CACNA2D3: variants seen among roughly 807,000 people sequenced by gnomAD.
CACNA2D3 encodes calcium voltage-gated channel auxiliary subunit alpha2delta 3, also known as voltage-dependent calcium channel subunit alpha-2/delta-3.
In CACNA2D3, 60 loss-of-function variants were observed where a neutral mutation model predicts 160.6. The ratio of observed to expected loss-of-function variants is 0.37; its 90% CI spans 0.30 to 0.46. The LOEUF is 0.46. Ranked by LOEUF, CACNA2D3 falls within the 20% of genes least tolerant of loss-of-function variation. The probability of loss-of-function intolerance (pLI) is 1.00; values close to 1 mark genes in which losing one functional copy is unlikely to be tolerated. For synonymous variants in CACNA2D3, 558 were observed against 492.9 expected, an observed-to-expected ratio of 1.13 and a Z score of -1.75; for missense variants, 1,205 against 1,365.0, an observed-to-expected ratio of 0.88 and a Z score of 1.85.
At chr3:54,271,878 A>G (rs1484580982) in intron 2 of CACNA2D3, among the ~76,000 whole-genome samples, 1 of 152,214 alleles carries the variant, frequency 6.6e-6, no homozygotes, top group Non-Finnish European at 1.5e-5. Flanking sequence ...TAAGTAACAA[A>G]TTCACTCCAA....
chr3:54,125,796 T>C (rs971818971), intron 2 of CACNA2D3, among the ~76,000 whole-genome samples: 1 of 152,070 alleles, frequency 6.6e-6, no homozygotes, highest in African/African-American at 2.4e-5. Flanking sequence ...GTGCTCAGAG[T>C]GTAGGAGACA....
In CACNA2D3 at chr3:54,951,912, G is replaced by A. The variant is rs1002894328; in HGVS notation, c.2450-16538G>A. Among the ~76,000 whole-genome samples, 6 of 152,072 alleles carry A rather than the reference G, an allele frequency of 3.9e-5. No homozygotes were observed. The South Asian group carries it at 6.2e-4, about 16-fold the overall frequency. On this transcript the variant is annotated intron_variant, in intron 27 of 37. Coordinates refer to ENST00000474759, the MANE Select transcript of CACNA2D3 (RefSeq NM_018398.3). Reference sequence around the variant, plus strand: ...TACCCAGGCTGGAGTGCAGTGACGCGATCTCGGCTCACTGCAACCTCCCTA... The same window carrying A: ...TACCCAGGCTGGAGTGCAGTGACGCAATCTCGGCTCACTGCAACCTCCCTA...
intron 14 of CACNA2D3, among the ~76,000 whole-genome samples, chr3:54,820,250 G>A (rs1054697293): frequency 6.6e-6 from 1 of 152,140 alleles, no homozygotes; most frequent in South Asian, 2.1e-4. Context: ...TTACGTCTCT[G>A]TAAACATACT....
rs368928376 is a variant in CACNA2D3, at chr3:54,333,133, G to GT, written c.321+12584dup. On this transcript the variant is annotated intron_variant, in intron 3 of 37. Coordinates refer to ENST00000474759, the MANE Select transcript of CACNA2D3 (RefSeq NM_018398.3). ...TGGAGAGGAGAGAGCAAGACAAGGGGTTTTTTTTTCCTGCTGTGAGGGGCA... is the reference window on the plus strand; with the variant it reads ...TGGAGAGGAGAGAGCAAGACAAGGGGTTTTTTTTTTCCTGCTGTGAGGGGCA... Among the ~76,000 whole-genome samples the GT allele has an allele frequency of 2.7e-4, 41 of 151,442 alleles. No individual in the cohort carries two copies. In the East Asian group the frequency reaches 4.9e-3, roughly 18 times the overall value.
chr3:54,752,555 C>T (rs1010144016), intron 11 of CACNA2D3, 44 bp from the exon 12 acceptor site: 64 of 1,449,978 alleles, frequency 4.4e-5, no homozygotes, highest in Non-Finnish European at 5.8e-5. Flanking sequence ...TGCAGGATGG[C>T]GAAAAGTGAA....
At chr3:54,877,048 A>G (rs1041968077) in intron 18 of CACNA2D3, 7 of 152,302 alleles carry the variant, frequency 4.6e-5, no homozygotes, top group South Asian at 2.1e-4. Flanking sequence ...TTTTCGGTCT[A>G]TGTAAACCTA....
chr3:54,934,974 G>C (rs1701294016), intron 27 of CACNA2D3, among the ~76,000 whole-genome samples: 1 of 152,212 alleles, frequency 6.6e-6, no homozygotes, highest in Non-Finnish European at 1.5e-5. Context: ...CTGACCTCAA[G>C]TGATCCACCC....
chr3:54,439,307 G>GT (rs1700106870), intron 4 of CACNA2D3, among the ~76,000 whole-genome samples: 1 of 130,708 alleles, frequency 7.7e-6, no homozygotes, highest in Admixed American at 7.8e-5. Flanking sequence ...ACATAAAGGA[G>GT]GGTGTGTGTG....
intron 9 of CACNA2D3, among the ~76,000 whole-genome samples, chr3:54,609,593 T>G (rs754455896): frequency 6.6e-6 from 1 of 152,190 alleles, no homozygotes; most frequent in Non-Finnish European, 1.5e-5. Flanking sequence ...TTCTATGATG[T>G]GATCTTAACA....
chr3:54,821,639 T>TC (rs1467906650), intron 14 of CACNA2D3, among the ~76,000 whole-genome samples: 1 of 146,684 alleles, frequency 6.8e-6, no homozygotes, highest in Admixed American at 6.9e-5. Context: ...CTAGAGTCTT[T>TC]CGTTCTTTCT....
chr3:54,857,857 T>G (rs1454518364), intron 17 of CACNA2D3, among the ~76,000 whole-genome samples: 2 of 152,132 alleles, frequency 1.3e-5, no homozygotes, highest in Non-Finnish European at 2.9e-5. Flanking sequence ...GAGCATGTAT[T>G]CCTAACACAC....
At chr3:54,816,085 C>G (rs964115368) in intron 13 of CACNA2D3, among the ~76,000 whole-genome samples, 1 of 152,188 alleles carries the variant, frequency 6.6e-6, no homozygotes, top group African/African-American at 2.4e-5. Context: ...AGTTCCTCGC[C>G]TGTGCCATTG....
chr3:54,602,275 A>G (rs1345618627), intron 9 of CACNA2D3, among the ~76,000 whole-genome samples: 10 of 152,178 alleles, frequency 6.6e-5, no homozygotes, highest in Admixed American at 6.5e-4. Context: ...AGGCAGGCGG[A>G]TCACCTGAAG....
intron 11 of CACNA2D3, among the ~76,000 whole-genome samples, chr3:54,657,056 AG>A (rs930391493): frequency 3.8e-5 from 4 of 104,686 alleles, no homozygotes. Flanking sequence ...TAAAGGAAAA[AG>A]GGGGGTTGTT....
intron 17 of CACNA2D3, among the ~76,000 whole-genome samples, chr3:54,863,461 G>A (rs1252051836): frequency 6.6e-6 from 1 of 152,094 alleles, no homozygotes; most frequent in East Asian, 1.9e-4. Context: ...GGCACGAAAG[G>A]TTCCTCCCAG....
chr3:54,902,059 C>T (rs1028865908), intron 27 of CACNA2D3, among the ~76,000 whole-genome samples: 2 of 152,220 alleles, frequency 1.3e-5, no homozygotes, highest in African/African-American at 4.8e-5. Flanking sequence ...AATATGTGAG[C>T]AGGCTTTTCT....
intron 11 of CACNA2D3, among the ~76,000 whole-genome samples, chr3:54,725,851 A>G (rs1701265602): frequency 6.6e-6 from 1 of 152,190 alleles, no homozygotes; most frequent in South Asian, 2.1e-4. Context: ...GACAACCAGC[A>G]CAAGACAAGG....
intron 2 of CACNA2D3, among the ~76,000 whole-genome samples, chr3:54,244,157 C>T (rs912914622): frequency 2.0e-5 from 3 of 152,120 alleles, no homozygotes; most frequent in South Asian, 4.1e-4. Context: ...GTGGAGTGAG[C>T]GCCCAGCCTT....
chr3:54,249,068 C>T (rs139694931), intron 2 of CACNA2D3, among the ~76,000 whole-genome samples: 33 of 152,152 alleles, frequency 2.2e-4, no homozygotes, highest in South Asian at 4.1e-4. Context: ...ATTTAAGTTA[C>T]GGGATATCAA....
Sources: allele counts gnomAD v4.1 joint callset (sites outside exome capture counted in the v4.1 genomes callset), GRCh38; gene constraint gnomAD v4.1.1; transcripts MANE v1.5; gene names NCBI Gene and HGNC (gene_info 2026-07-23, HGNC 2026-07-21).